The following PIEZO2 variants were observed in gnomAD, a reference collection of about 807,000 sequenced individuals.
PIEZO2 encodes piezo type mechanosensitive ion channel component 2.
A neutral mutation model predicts 337.3 loss-of-function variants in PIEZO2; 172 were observed. The ratio of observed to expected loss-of-function variants is 0.51; its 90% CI spans 0.45 to 0.58. The LOEUF (loss-of-function observed/expected upper bound fraction) is 0.58, where lower values mean the gene tolerates loss of function less well. PIEZO2 is among the 20% of genes least tolerant of loss of function. PIEZO2 has a pLI of 0.00. For synonymous variants in PIEZO2, 1,251 were observed against 1,228.5 expected (o/e 1.02, Z -0.38); for missense variants, 3,028 against 3,391.3 (o/e 0.89, Z 2.66).
chr18:10,681,599 C>T lies in PIEZO2; in HGVS notation c.7779+62G>A. On this transcript the variant is annotated intron_variant, in intron 51 of 55. Transcript: ENST00000674853. The stretch of plus-strand genomic sequence containing the variant: ...CAGGCCATGGCAAAGCATTAAATGA[C>T]AATGAGTGAACTTCCCTAGATGAGA... 2.2e-6 allele frequency: 3 copies of T among 1,355,586 alleles called. No homozygotes were observed. The South Asian group carries it at 3.6e-5, about 16-fold the overall frequency. The allele number at this position is 1,355,586 out of a possible 1,614,324, so 84.0% of individuals were successfully genotyped here.
intron 2 of PIEZO2, among the ~76,000 whole-genome samples, chr18:10,985,800 G>T (rs912721839): frequency 2.6e-5 from 4 of 151,916 alleles, no homozygotes; most frequent in Non-Finnish European, 2.9e-5. Flanking sequence ...AATAAGACAG[G>T]AAGAGAGAAA....
chr18:10,883,997 G>T (rs534337914), intron 4 of PIEZO2, among the ~76,000 whole-genome samples: 3 of 151,926 alleles, frequency 2.0e-5, no homozygotes, highest in Non-Finnish European at 4.4e-5. Flanking sequence ...ATTTTTAGTA[G>T]ATACGGGGTT....
intron 7 of PIEZO2, among the ~76,000 whole-genome samples, chr18:10,823,975 C>T (rs1002636715): frequency 1.1e-4 from 16 of 152,212 alleles, no homozygotes; most frequent in Non-Finnish European, 1.6e-4. Flanking sequence ...AGTTCTTTCA[C>T]TCCTCCTCTT....
At chr18:10,866,422 A>G (rs1194722319) in intron 5 of PIEZO2, among the ~76,000 whole-genome samples, 6 of 151,898 alleles carry the variant, frequency 4.0e-5, no homozygotes, top group Non-Finnish European at 8.8e-5. Flanking sequence ...AGTAGGTGGG[A>G]CTACAGGCAC....
intron 3 of PIEZO2, among the ~76,000 whole-genome samples, chr18:10,972,045 C>A (rs1265705074): frequency 6.6e-6 from 1 of 151,870 alleles, no homozygotes; most frequent in Non-Finnish European, 1.5e-5. Flanking sequence ...GTGATCCCAG[C>A]ACTTTGGGAG....
chr18:10,854,700 C>CTTAT lies in PIEZO2; in HGVS notation c.917+649_917+652dup, dbSNP rs1000970560. ...CTCACACCAGAGACTTATGTATTTT[C>CTTAT]TTATTTATTTGTTTGTTGGTTTGTT... On this transcript the variant is annotated intron_variant, in intron 7 of 55. Transcript: ENST00000674853. This position sits in a 1 kb window ranked among gnomAD's most constrained non-coding sequence, Gnocchi z 4.6. Among the ~76,000 whole-genome samples, 1 of 152,062 alleles carries CTTAT rather than the reference C, an allele frequency of 6.6e-6. No homozygotes were observed. Among genetic ancestry groups the CTTAT allele is most frequent in the Non-Finnish European group, 1.5e-5 (1 of 68,008 alleles).
At chr18:11,029,230 C>T (rs1393096517) in intron 2 of PIEZO2, among the ~76,000 whole-genome samples, 1 of 152,192 alleles carries the variant, frequency 6.6e-6, no homozygotes. Flanking sequence ...CTGATTTTTC[C>T]TCCGTCACCC....
In PIEZO2 at chr18:10,748,477, G is replaced by A; in HGVS notation, c.4418C>T (p.Ala1473Val). 2.0e-6 allele frequency: 3 copies of A among 1,536,932 alleles called. No homozygotes were observed. Among genetic ancestry groups the A allele is most frequent in the South Asian group, 1.2e-5 (1 of 83,994 alleles). ...VADIKASQIL[A>V]SRGAELFQAT... ...ATTTCATGGCCTGACCCACCTTGAT[G>A]CCAGAATCTGGGAAGCTTTTATATC... is the stretch of plus-strand genomic sequence containing the variant. Residue 1473 changes from alanine to valine, a missense_variant, in exon 30 of 56, where the codon GCA (alanine) becomes GTA (valine). Ala to Val is a moderately conservative substitution (Grantham distance 64). Around this residue, in one of 5 missense-constraint regions of PIEZO2, gnomAD observed 1,925 missense variants for 2,051.9 expected, o/e 0.94. Coordinates refer to ENST00000674853, the MANE Select transcript of PIEZO2 (RefSeq NM_001378183.1). This position sits in a 1 kb window ranked among gnomAD's most constrained non-coding sequence, Gnocchi z 5.1.
chr18:10,689,185 G>T (rs993378935), intron 49 of PIEZO2, among the ~76,000 whole-genome samples: 1 of 152,078 alleles, frequency 6.6e-6, no homozygotes, highest in Non-Finnish European at 1.5e-5. Context: ...TAGTAATCTA[G>T]ACATATTTAA....
chr18:11,018,345 C>T (rs1454331491), intron 2 of PIEZO2, among the ~76,000 whole-genome samples: 3 of 146,108 alleles, frequency 2.1e-5, no homozygotes, highest in Non-Finnish European at 3.0e-5. Flanking sequence ...AATAAGGTCA[C>T]ATTCTGAGAT....
In PIEZO2 at chr18:11,148,722, G is replaced by A. The variant is rs2040874176; in HGVS notation, c.-134C>T. 5.5e-6 allele frequency: 5 copies of A among 909,190 alleles called. No individual in the cohort carries two copies. The Admixed American group carries it at 9.3e-5, about 17-fold the overall frequency. 56.3% of individuals were successfully genotyped at this position (909,190 alleles called of 1,614,324 possible). ...AGCCACCCGAGCATCGCCTCGGCGCGGGCCGCGACGCTCTCCGCCCCGAGG... is the reference window on the plus strand; with the variant it reads ...AGCCACCCGAGCATCGCCTCGGCGCAGGCCGCGACGCTCTCCGCCCCGAGG... On this transcript the variant is annotated 5_prime_UTR_variant, in exon 1 of 56. Transcript: ENST00000674853. The surrounding 1 kb of genome is among the most constrained non-coding windows in gnomAD (Gnocchi z 5.2).
At position 10,746,401 on chromosome 18, in the gene PIEZO2, G is replaced by A. The variant is rs1223029874; in HGVS notation, c.4424+2070C>T. ...CTTCTGATGGCTACTTCCCTCCGTA[G>A]TTTCACTGGGCTGCTTCCCCTGCCT... On this transcript the variant is annotated intron_variant, in intron 30 of 55. Coordinates refer to ENST00000674853, the MANE Select transcript of PIEZO2 (RefSeq NM_001378183.1). This position sits in a 1 kb window ranked among gnomAD's most constrained non-coding sequence, Gnocchi z 4.2. 6.6e-6 allele frequency among the ~76,000 whole-genome samples: 1 copy of A among 152,198 alleles called. No individual in the cohort carries two copies. Among genetic ancestry groups the A allele is most frequent in the Non-Finnish European group, 1.5e-5 (1 of 68,050 alleles).
At chr18:11,015,537 ATATT>A (rs1238721891) in intron 2 of PIEZO2, among the ~76,000 whole-genome samples, 3 of 152,216 alleles carry the variant, frequency 2.0e-5, no homozygotes, top group Non-Finnish European at 4.4e-5. Flanking sequence ...ATTAAATAAA[ATATT>A]TAACCTGAAA....
At chr18:10,721,275 C>A (rs993214920) in intron 36 of PIEZO2, among the ~76,000 whole-genome samples, 1 of 152,134 alleles carries the variant, frequency 6.6e-6, no homozygotes, top group Non-Finnish European at 1.5e-5. Flanking sequence ...GAGTTAGTTA[C>A]TACAGTATAC....
At chr18:10,986,490 T>C (rs1191402836) in intron 2 of PIEZO2, among the ~76,000 whole-genome samples, 2 of 151,954 alleles carry the variant, frequency 1.3e-5, no homozygotes, top group South Asian at 2.1e-4. Flanking sequence ...AAAATCTCAA[T>C]AGATGCAAAG....
At chr18:10,865,477 T>C (rs976738808) in intron 5 of PIEZO2, among the ~76,000 whole-genome samples, 4 of 151,944 alleles carry the variant, frequency 2.6e-5, no homozygotes, top group Non-Finnish European at 5.9e-5. Context: ...AATTTGAAGG[T>C]ATAATTCAAA....
chr18:10,950,255 T>C (rs1201738678), intron 3 of PIEZO2, among the ~76,000 whole-genome samples: 1 of 152,178 alleles, frequency 6.6e-6, no homozygotes, highest in African/African-American at 2.4e-5. Flanking sequence ...GGAAAGTCAA[T>C]AGATAATCAC....
At chr18:10,986,953 C>A (rs952341116) in intron 2 of PIEZO2, among the ~76,000 whole-genome samples, 2 of 151,828 alleles carry the variant, frequency 1.3e-5, no homozygotes, top group African/African-American at 4.8e-5. Flanking sequence ...AACAAAACGA[C>A]TTACAATAGC....
In PIEZO2 at chr18:10,773,994, AG is replaced by A. The variant is rs904464356; in HGVS notation, c.2567+11del. On this transcript the variant is annotated intron_variant, in intron 19 of 55. Transcript: ENST00000674853. This position sits in a 1 kb window ranked among gnomAD's most constrained non-coding sequence, Gnocchi z 5.3. The stretch of plus-strand genomic sequence containing the variant: ...TAGAGCAAGCATTTCATGGCTTCAC[AG>A]GGGGACTTACTCATTTTGGTGGATT... 1.1e-5 allele frequency: 8 copies of A among 703,000 alleles called. No homozygotes were observed. The highest frequency in any genetic ancestry group is 1.8e-5 in the Non-Finnish European group (7 of 385,028). 43.5% of individuals were successfully genotyped at this position (703,000 alleles called of 1,614,324 possible). A position where few individuals can be genotyped will look rare whatever the true frequency, so the allele number is the denominator to read the frequency against.
Sources: allele counts gnomAD v4.1 joint callset (sites outside exome capture counted in the v4.1 genomes callset), GRCh38; gene constraint gnomAD v4.1.1; regional missense constraint gnomAD v4.1.1; non-coding constraint Gnocchi (gnomAD v3.1); transcripts MANE v1.5; gene names NCBI Gene and HGNC (gene_info 2026-07-23, HGNC 2026-07-21).